The following SORCS2 variants were observed in gnomAD, a reference collection of about 807,000 sequenced individuals.
SORCS2 encodes the protein sortilin related VPS10 domain containing receptor 2.
A neutral mutation model predicts 141.6 loss-of-function variants in SORCS2; 100 were observed. The observed-to-expected ratio is 0.71, with a 90% CI of 0.60 to 0.83. The LOEUF is 0.83. Ranked by LOEUF, SORCS2 falls within the 40% of genes least tolerant of loss-of-function variation. The pLI is 0.00. For synonymous variants in SORCS2, 789 were observed against 676.9 expected (o/e 1.17, Z -2.57); for missense variants, 1,646 against 1,560.2 (o/e 1.05, Z -0.93).
At chr4:7,715,050 C>A in intron 16 of SORCS2, 133 bp from the exon 17 acceptor site, 6 of 1,243,852 alleles carry the variant, frequency 4.8e-6, no homozygotes, top group South Asian at 2.8e-5. Flanking sequence ...TCCTTGATGT[C>A]CTCACAGATG....
chr4:7,208,403 G>T (rs1276474494), intron 1 of SORCS2, among the ~76,000 whole-genome samples: 1 of 152,186 alleles, frequency 6.6e-6, no homozygotes, highest in Non-Finnish European at 1.5e-5. Flanking sequence ...GGGATTGGCG[G>T]GGAGGGAGGC....
At chr4:7,736,145 C>T (rs963355187) in intron 25 of SORCS2, among the ~76,000 whole-genome samples, 3 of 152,260 alleles carry the variant, frequency 2.0e-5, no homozygotes, top group African/African-American at 2.4e-5. Flanking sequence ...CGGGAGCTCC[C>T]GGCTTGCTCA....
At chr4:7,677,331 C>A (rs1015246852) in intron 9 of SORCS2, among the ~76,000 whole-genome samples, 1 of 152,244 alleles carries the variant, frequency 6.6e-6, no homozygotes, top group Non-Finnish European at 1.5e-5. Context: ...CGCTCACAGG[C>A]CTCTCCTTTG....
At position 7,459,212 on chromosome 4, in the gene SORCS2, G is replaced by A. The variant is rs111989621; in HGVS notation, c.548+62857G>A. ...CCCTGCCCCACCATGGGACGCTGGC[G>A]AGTCTCTCCACCCTTCTCCGAGTCT... On this transcript the variant is annotated intron_variant, in intron 2 of 26. Transcript: ENST00000507866. 3.5e-3 allele frequency among the ~76,000 whole-genome samples: 530 copies of A among 152,234 alleles called. 6 individuals carry two copies. Among genetic ancestry groups the A allele is most frequent in the Non-Finnish European group, 5.0e-3 (337 of 68,016 alleles).
At chr4:7,543,473 A>T (rs1299486539) in intron 3 of SORCS2, among the ~76,000 whole-genome samples, 34 of 134,398 alleles carry the variant, frequency 2.5e-4, no homozygotes, top group African/African-American at 8.3e-4. Context: ...CCACCCACCC[A>T]TCCATTCACC....
chr4:7,418,936 C>A (rs765613740), intron 2 of SORCS2, among the ~76,000 whole-genome samples: 1 of 152,298 alleles, frequency 6.6e-6, no homozygotes, highest in East Asian at 1.9e-4. Context: ...TATCCTCCAG[C>A]AGGTTAGCCT....
intron 1 of SORCS2, among the ~76,000 whole-genome samples, chr4:7,255,714 TC>T (rs1474684768): frequency 6.6e-6 from 1 of 152,166 alleles, no homozygotes; most frequent in African/African-American, 2.4e-5. Context: ...TTCCAATCTT[TC>T]ATCTAACTAG....
At chr4:7,384,709 G>C (rs566154763) in intron 1 of SORCS2, among the ~76,000 whole-genome samples, 1 of 152,136 alleles carries the variant, frequency 6.6e-6, no homozygotes, top group African/African-American at 2.4e-5. Flanking sequence ...CCCTCACACT[G>C]TGCCGGTTGC....
intron 3 of SORCS2, among the ~76,000 whole-genome samples, chr4:7,619,437 G>A (rs1006484779): frequency 2.0e-5 from 3 of 152,090 alleles, no homozygotes; most frequent in East Asian, 1.9e-4. Flanking sequence ...AAAACAGTCC[G>A]GAAGCTTCTG....
At chr4:7,386,071 G>GCATACA (rs1368305511) in intron 1 of SORCS2, among the ~76,000 whole-genome samples, 1 of 151,004 alleles carries the variant, frequency 6.6e-6, no homozygotes, top group Admixed American at 6.6e-5. Flanking sequence ...TGTTGCCTGC[G>GCATACA]CATACACATA....
At chr4:7,569,487 G>T (rs138662896) in intron 3 of SORCS2, among the ~76,000 whole-genome samples, 1 of 152,206 alleles carries the variant, frequency 6.6e-6, no homozygotes, top group Non-Finnish European at 1.5e-5. Flanking sequence ...ACTCCAGCCT[G>T]GGGGACAGAC....
chr4:7,691,612 C>A (rs894341414), intron 11 of SORCS2, among the ~76,000 whole-genome samples: 1 of 152,126 alleles, frequency 6.6e-6, no homozygotes, highest in Non-Finnish European at 1.5e-5. Flanking sequence ...TGTCTGCCCC[C>A]ACAATGATCA....
At chr4:7,489,695 C>T (rs1731199720) in intron 2 of SORCS2, among the ~76,000 whole-genome samples, 2 of 152,122 alleles carry the variant, frequency 1.3e-5, no homozygotes, top group Non-Finnish European at 2.9e-5. Flanking sequence ...TCAAAATAAT[C>T]GCACATAATT....
chr4:7,454,853 CTGTGTTGGGGTCAGGTGCTG>C (rs1728768397), intron 2 of SORCS2, among the ~76,000 whole-genome samples: 13 of 117,554 alleles, frequency 1.1e-4, no homozygotes, highest in African/African-American at 4.1e-4. Context: ...GGGTCAGGTG[CTGTGTTGGGGTCAGGTGCTG>C]TGTGTTGGGG....
chr4:7,458,248 G>A (rs1729053147), intron 2 of SORCS2, among the ~76,000 whole-genome samples: 2 of 152,270 alleles, frequency 1.3e-5, no homozygotes, highest in Non-Finnish European at 1.5e-5. Flanking sequence ...CCAGAGGCTG[G>A]CACAGGCTGT....
intron 1 of SORCS2, among the ~76,000 whole-genome samples, chr4:7,300,975 C>T (rs1213953615): frequency 6.6e-6 from 1 of 152,196 alleles, no homozygotes; most frequent in Non-Finnish European, 1.5e-5. Context: ...CTCGTGCCTT[C>T]CTGCCTCTTC....
chr4:7,323,007 T>G (rs980524094), intron 1 of SORCS2, among the ~76,000 whole-genome samples: 1 of 152,160 alleles, frequency 6.6e-6, no homozygotes, highest in African/African-American at 2.4e-5. Flanking sequence ...GTAGCTCTAG[T>G]TCCCAGTTCT....
intron 3 of SORCS2, among the ~76,000 whole-genome samples, chr4:7,552,954 G>A (rs1160544566): frequency 6.6e-6 from 1 of 152,202 alleles, no homozygotes; most frequent in Non-Finnish European, 1.5e-5. Context: ...AGAGAGGAAG[G>A]CAGAACTAGG....
Position 7,468,280 on chromosome 4 carries a change from G to C in SORCS2, c.549-63250G>C, listed in dbSNP as rs930763150. Reference sequence around the variant, plus strand: ...GAGCTACCACTATTAACATCGTCATGGGTCGCAACCTTGTTGATGGTGACT... The same window carrying C: ...GAGCTACCACTATTAACATCGTCATCGGTCGCAACCTTGTTGATGGTGACT... On this transcript the variant is annotated intron_variant, in intron 2 of 26. Coordinates refer to ENST00000507866, the MANE Select transcript of SORCS2 (RefSeq NM_020777.3). 2.6e-5 allele frequency among the ~76,000 whole-genome samples: 4 copies of C among 152,198 alleles called. 1 individual carries two copies. The highest frequency in any genetic ancestry group is 9.6e-5 in the African/African-American group (4 of 41,452).
Sources: gnomAD v4.1 joint callset for allele counts (sites outside exome capture counted in the v4.1 genomes callset) on GRCh38, gnomAD v4.1.1 for gene constraint, MANE v1.5 for transcripts, NCBI Gene and HGNC (gene_info 2026-07-23, HGNC 2026-07-21) for gene names.